The following SYTL3 variants were observed in gnomAD, a reference collection of about 807,000 sequenced individuals.
SYTL3 encodes synaptotagmin-like protein 3.
In SYTL3, 88 loss-of-function variants were observed where a neutral mutation model predicts 82.1. The ratio of observed to expected loss-of-function variants is 1.07; its 90% CI spans 0.90 to 1.28. The LOEUF is 1.28. Ranked by LOEUF, SYTL3 falls within the 50% of genes most tolerant of loss-of-function variation. The pLI is 0.00. For missense variants in SYTL3, 831 were observed against 757.6 expected (o/e 1.10, Z -1.14); for synonymous variants, 311 against 289.4 (o/e 1.07, Z -0.76).
At chr6:158,736,870 C>T (rs539268217) in intron 11 of SYTL3, among the ~76,000 whole-genome samples, 4 of 151,294 alleles carry the variant, frequency 2.6e-5, no homozygotes, top group Admixed American at 6.6e-5. Context: ...AATAGTGTTT[C>T]CTGGAGACAG....
Position 158,751,972 on chromosome 6 carries a change from A to G in SYTL3, c.1079A>G (p.Lys360Arg), listed in dbSNP as rs1788447843. 6.2e-7 allele frequency: 1 copy of G among 1,602,556 alleles called. No individual in the cohort carries two copies. The highest frequency in any genetic ancestry group is 8.5e-7 in the Non-Finnish European group (1 of 1,175,122). Residue 360 changes from lysine to arginine, a missense_variant, in exon 13 of 18, where the codon AAG becomes AGG. Transcript: ENST00000611299. The stretch of plus-strand genomic sequence containing the variant: ...TTGCCCGACAGATCCTCCCAGGGAA[A>G]GCGCAAGACTGGAGTCCAAAGGAAC... ...YLLPDRSSQG[K>R]RKTGVQRNTV... is the part of the protein sequence containing the mutation.
intron 11 of SYTL3, among the ~76,000 whole-genome samples, chr6:158,728,464 C>T (rs1275987063): frequency 1.3e-5 from 2 of 152,186 alleles, no homozygotes; most frequent in Non-Finnish European, 1.5e-5. Flanking sequence ...GTGATCTCTT[C>T]GTCTGTCCTT....
At chr6:158,682,775 T>C in intron 5 of SYTL3, 150 bp from the exon 6 acceptor site, 1 of 611,310 alleles carries the variant, frequency 1.6e-6, no homozygotes, top group Non-Finnish European at 2.9e-6. Context: ...ATGGGGAATC[T>C]GTAAATTTAA....
At chr6:158,693,216 G>A (rs1293475686) in intron 6 of SYTL3, among the ~76,000 whole-genome samples, 3 of 152,162 alleles carry the variant, frequency 2.0e-5, no homozygotes, top group African/African-American at 7.2e-5. Context: ...ATTTTACATA[G>A]ACTTTTGTTT....
intron 5 of SYTL3, 21 bp from the exon 6 acceptor site, chr6:158,682,904 C>T (rs201571898): frequency 1.9e-6 from 3 of 1,602,024 alleles, no homozygotes; most frequent in Middle Eastern, 1.7e-4. Context: ...TCTGAAGCTT[C>T]CTTTCTGCTC....
chr6:158,700,846 G>T (rs917812718), intron 6 of SYTL3, among the ~76,000 whole-genome samples: 17 of 152,120 alleles, frequency 1.1e-4, no homozygotes, highest in Non-Finnish European at 4.4e-5. Context: ...TCGATCTCCT[G>T]ACCTCATGAT....
chr6:158,729,621 T>C (rs1330396313), intron 11 of SYTL3, among the ~76,000 whole-genome samples: 11 of 150,648 alleles, frequency 7.3e-5, no homozygotes, highest in Non-Finnish European at 1.5e-4. Flanking sequence ...GGCTGGAGTT[T>C]AGTGGTGCGA....
rs1195134076 is a variant in SYTL3 at position 158,662,969 on chromosome 6, T to G, written c.-300T>G. 1 of 265,908 alleles carries G rather than the reference T, an allele frequency of 3.8e-6. No individual in the cohort carries two copies. The highest frequency in any genetic ancestry group is 2.2e-5 in the African/African-American group (1 of 45,306). The allele number at this position is 265,908 out of a possible 1,614,324, so 16.5% of individuals were successfully genotyped here. ...CTCAGAAAAGAGATATGCTTTTGTC[T>G]TAGATGGATGTCAGCAGCTGCTGCA... On this transcript the variant is annotated 5_prime_UTR_variant, in exon 4 of 18. Transcript: ENST00000611299.
intron 4 of SYTL3, chr6:158,663,677 C>A: frequency 1.1e-6 from 1 of 893,304 alleles, no homozygotes; most frequent in Non-Finnish European, 1.3e-6. Flanking sequence ...TCGTGGGAAT[C>A]ATTCAAGGGA....
chr6:158,684,474 A>ATGT (rs1562373416), intron 6 of SYTL3, among the ~76,000 whole-genome samples: 194 of 152,224 alleles, frequency 1.3e-3, no homozygotes, highest in African/African-American at 4.5e-3. Context: ...CATCAGGACA[A>ATGT]AGGCGCACAC....
At chr6:158,648,715 T>C (rs1554234606), upstream of SYTL3, among the ~76,000 whole-genome samples, 1 of 152,142 alleles carries the variant, frequency 6.6e-6, no homozygotes, top group Non-Finnish European at 1.5e-5. Flanking sequence ...TCTTCCCCTG[T>C]GCCAAGAAGT....
intron 7 of SYTL3, among the ~76,000 whole-genome samples, chr6:158,707,935 T>C (rs1054917985): frequency 1.3e-5 from 2 of 152,222 alleles, no homozygotes; most frequent in African/African-American, 4.8e-5. Flanking sequence ...TCGTGGTTGA[T>C]TCTCACATCC....
intron 6 of SYTL3, among the ~76,000 whole-genome samples, chr6:158,691,349 G>GA (rs111779178): frequency 0.2 from 27,730 of 138,872 alleles, 4,076 homozygotes; most frequent in African/African-American, 0.42. Context: ...CATCTCAAAA[G>GA]AAAAAAAAAA....
At chr6:158,700,875 C>T (rs1781136980) in intron 6 of SYTL3, among the ~76,000 whole-genome samples, 1 of 152,206 alleles carries the variant, frequency 6.6e-6, no homozygotes, top group South Asian at 2.1e-4. Flanking sequence ...CTTGGCCTCC[C>T]AAGGTGCTGG....
intron 11 of SYTL3, among the ~76,000 whole-genome samples, chr6:158,738,211 G>A (rs1475010424): frequency 6.6e-6 from 1 of 152,106 alleles, no homozygotes; most frequent in Non-Finnish European, 1.5e-5. Context: ...GCCCAGCACT[G>A]CCCAGCAATC....
At chr6:158,725,909 T>A (rs376305579) in intron 11 of SYTL3, 6 of 688,944 alleles carry the variant, frequency 8.7e-6, no homozygotes, top group South Asian at 8.6e-5. Context: ...TAGCTTTCTA[T>A]AATGCAGCAT....
At chr6:158,760,432 G>A (rs1181896567) in intron 14 of SYTL3, among the ~76,000 whole-genome samples, 1 of 152,172 alleles carries the variant, frequency 6.6e-6, no homozygotes, top group East Asian at 1.9e-4. Flanking sequence ...TGGCCAAGCT[G>A]TTCCTCCCCA....
chr6:158,757,761 G>A (rs1789334279), intron 14 of SYTL3, among the ~76,000 whole-genome samples: 2 of 152,190 alleles, frequency 1.3e-5, no homozygotes, highest in Non-Finnish European at 2.9e-5. Context: ...GGGCTACAGT[G>A]TGTTGTTTCT....
At chr6:158,702,090 A>C (rs1266965764) in intron 6 of SYTL3, among the ~76,000 whole-genome samples, 1 of 151,846 alleles carries the variant, frequency 6.6e-6, no homozygotes, top group East Asian at 1.9e-4. Context: ...CTCCCACCTC[A>C]GCCTCCTGAG....
Sources: gnomAD v4.1 joint callset for allele counts (sites outside exome capture counted in the v4.1 genomes callset) on GRCh38, gnomAD v4.1.1 for gene constraint, MANE v1.5 for transcripts, NCBI Gene and HGNC (gene_info 2026-07-23, HGNC 2026-07-21) for gene names.